The following CACNA2D1 variants were observed in gnomAD, a reference collection of about 807,000 sequenced individuals.
CACNA2D1 encodes the protein voltage-dependent calcium channel subunit alpha-2/delta-1.
CACNA2D1 carries 53 observed loss-of-function variants against 171.5 expected under a neutral mutation model. That is an observed-to-expected ratio of 0.31 (90% CI 0.25 to 0.39). CACNA2D1 has a LOEUF of 0.39. Ranked by LOEUF, CACNA2D1 falls within the 10% of genes least tolerant of loss-of-function variation. The pLI is 1.00. For synonymous variants in CACNA2D1, 442 were observed against 443.1 expected (o/e 1.00, Z 0.03); for missense variants, 903 against 1,299.8 (o/e 0.69, Z 4.69).
At chr7:82,086,931 C>T (rs1810548412) in intron 6 of CACNA2D1, among the ~76,000 whole-genome samples, 1 of 152,014 alleles carries the variant, frequency 6.6e-6, no homozygotes, top group African/African-American at 2.4e-5. Flanking sequence ...TTCCTATTAT[C>T]CTGGCAATAT....
intron 1 of CACNA2D1, among the ~76,000 whole-genome samples, chr7:82,434,198 C>T (rs1034484978): frequency 6.6e-6 from 1 of 152,198 alleles, no homozygotes; most frequent in Non-Finnish European, 1.5e-5. Context: ...GTTGGAACAT[C>T]CTTGACCTGA....
intron 6 of CACNA2D1, among the ~76,000 whole-genome samples, chr7:82,087,080 C>G (rs1321752098): frequency 2.0e-5 from 3 of 152,108 alleles, no homozygotes; most frequent in Non-Finnish European, 4.4e-5. Context: ...AGACTAGGCA[C>G]TAGAACTGAT....
chr7:82,421,079 A>G (rs1354132567), intron 1 of CACNA2D1, among the ~76,000 whole-genome samples: 1 of 152,210 alleles, frequency 6.6e-6, no homozygotes, highest in East Asian at 1.9e-4. Context: ...TTTCCTGACC[A>G]TGCTCAGCTT....
intron 3 of CACNA2D1, among the ~76,000 whole-genome samples, chr7:82,242,103 A>G (rs968010882): frequency 6.6e-6 from 1 of 152,174 alleles, no homozygotes; most frequent in East Asian, 1.9e-4. Flanking sequence ...GGGGGAAAAA[A>G]GTGAAAATGC....
At chr7:82,443,908 A>G (rs961485250), upstream of CACNA2D1, 4 of 297,714 alleles carry the variant, frequency 1.3e-5, no homozygotes, top group African/African-American at 2.2e-5. Flanking sequence ...AATGGCAGGC[A>G]GAGAGACTTG....
At chr7:82,159,138 C>G (rs1411388145) in intron 4 of CACNA2D1, among the ~76,000 whole-genome samples, 1 of 151,890 alleles carries the variant, frequency 6.6e-6, no homozygotes, top group Non-Finnish European at 1.5e-5. Flanking sequence ...TTGACATTGC[C>G]TATTTTGGCT....
At chr7:82,321,760 G>A (rs1815924528) in intron 3 of CACNA2D1, among the ~76,000 whole-genome samples, 1 of 152,114 alleles carries the variant, frequency 6.6e-6, no homozygotes, top group Non-Finnish European at 1.5e-5. Context: ...AAATTTTAGT[G>A]TACACAGGAG....
chr7:82,262,159 G>A (rs183096591), intron 3 of CACNA2D1, among the ~76,000 whole-genome samples: 99 of 152,224 alleles, frequency 6.5e-4, no homozygotes, highest in African/African-American at 2.0e-3. Flanking sequence ...GTGAAACCCC[G>A]TCTCTACTAA....
intron 3 of CACNA2D1, among the ~76,000 whole-genome samples, chr7:82,276,177 CTT>C (rs1364146969): frequency 6.6e-6 from 1 of 152,186 alleles, no homozygotes; most frequent in African/African-American, 2.4e-5. Context: ...ATAGTGGACA[CTT>C]GTCACAGTTT....
chr7:82,341,445 T>G (rs1165216754), intron 2 of CACNA2D1, among the ~76,000 whole-genome samples: 2 of 152,172 alleles, frequency 1.3e-5, no homozygotes, highest in Non-Finnish European at 2.9e-5. Context: ...CTTTTCCCCA[T>G]GAAAATTAGC....
At chr7:82,237,520 C>T (rs1013107066) in intron 3 of CACNA2D1, among the ~76,000 whole-genome samples, 20 of 151,822 alleles carry the variant, frequency 1.3e-4, no homozygotes, top group Admixed American at 3.9e-4. Context: ...AAACCTTATT[C>T]GTTTAAGTAC....
intron 3 of CACNA2D1, among the ~76,000 whole-genome samples, chr7:82,280,657 G>A (rs1417926773): frequency 6.6e-6 from 1 of 152,082 alleles, no homozygotes. Context: ...CTTTTACATA[G>A]AAACCTTACT....
intron 5 of CACNA2D1, among the ~76,000 whole-genome samples, chr7:82,130,883 A>G (rs930919230): frequency 7.5e-6 from 1 of 133,632 alleles, no homozygotes. Flanking sequence ...TGCAAGCTCC[A>G]CCTCCCGGGT....
At chr7:82,181,782 T>C (rs2129170708) in intron 3 of CACNA2D1, among the ~76,000 whole-genome samples, 1 of 152,332 alleles carries the variant, frequency 6.6e-6, no homozygotes, top group Admixed American at 6.5e-5. Context: ...TGTAACTTAT[T>C]CTTTTAGTGA....
intron 7 of CACNA2D1, among the ~76,000 whole-genome samples, chr7:82,081,436 T>G (rs903780502): frequency 6.6e-6 from 1 of 152,220 alleles, no homozygotes; most frequent in Non-Finnish European, 1.5e-5. Context: ...GGTTATATTA[T>G]ATCATTACTG....
chr7:82,285,384 C>A (rs1364782578), intron 3 of CACNA2D1, among the ~76,000 whole-genome samples: 1 of 152,182 alleles, frequency 6.6e-6, no homozygotes, highest in Non-Finnish European at 1.5e-5. Flanking sequence ...GCCAAGGTAC[C>A]TTTCCCAGAC....
At position 82,085,886 on chromosome 7, in the gene CACNA2D1, T is replaced by C. The variant is rs570809429; in HGVS notation, c.527-986A>G. On this transcript the variant is annotated intron_variant, in intron 6 of 38. Coordinates refer to ENST00000356860, the MANE Select transcript of CACNA2D1 (RefSeq NM_000722.4). ...GGTTAAGTGTAAGATATAATATGGG[T>C]TAAAATAGTGCATAATTTATAACTG... 3.7e-4 allele frequency among the ~76,000 whole-genome samples: 57 copies of C among 152,260 alleles called. 1 individual carries two copies. The highest frequency in any genetic ancestry group is 3.7e-3 in the South Asian group (18 of 4,834).
intron 1 of CACNA2D1, among the ~76,000 whole-genome samples, chr7:82,357,198 G>T (rs1386722664): frequency 1.3e-5 from 2 of 152,146 alleles, no homozygotes; most frequent in African/African-American, 4.8e-5. Context: ...GGTTGGATTT[G>T]TCTGTAATGT....
chr7:82,372,491 T>C (rs1822520304), intron 1 of CACNA2D1, among the ~76,000 whole-genome samples: 1 of 151,744 alleles, frequency 6.6e-6, no homozygotes, highest in African/African-American at 2.4e-5. Flanking sequence ...GCATTTAAGA[T>C]ATGAAGGAAT....
Sources: allele counts gnomAD v4.1 joint callset (sites outside exome capture counted in the v4.1 genomes callset), GRCh38; gene constraint gnomAD v4.1.1; transcripts MANE v1.5; gene names NCBI Gene and HGNC (gene_info 2026-07-23, HGNC 2026-07-21).